CFAP95: variants seen among roughly 807,000 people sequenced by gnomAD.
CFAP95 encodes cilia and flagella associated protein 95.
the CFAP95 span, among the ~76,000 whole-genome samples, chr9:69,841,167 TATATA>T: frequency 0.19 from 17,809 of 92,422 alleles, 2,281 homozygotes; most frequent in East Asian, 0.36. Flanking sequence ...AGCTGGATTA[TATATA>T]TATATATATA....
At chr9:69,855,677 A>G in the CFAP95 span, among the ~76,000 whole-genome samples, 1 of 152,160 alleles carries the variant, frequency 6.6e-6, no homozygotes, top group Non-Finnish European at 1.5e-5. Flanking sequence ...AGCACCAGAG[A>G]CTTAATCAAA....
At chr9:69,883,619 G>T in the CFAP95 span, among the ~76,000 whole-genome samples, 1 of 152,090 alleles carries the variant, frequency 6.6e-6, no homozygotes, top group Non-Finnish European at 1.5e-5. Context: ...TTGGTAGGTT[G>T]TATGTGTCTA....
chr9:69,829,737 G>A, the CFAP95 span, among the ~76,000 whole-genome samples: 1 of 152,172 alleles, frequency 6.6e-6, no homozygotes, highest in Non-Finnish European at 1.5e-5. Context: ...GAGGAAGTTA[G>A]AAGAATGTGG....
At chr9:69,841,538 G>C in the CFAP95 span, among the ~76,000 whole-genome samples, 1 of 152,238 alleles carries the variant, frequency 6.6e-6, no homozygotes, top group Admixed American at 6.5e-5. Context: ...CAGAGAAAAA[G>C]CTGAGAATGT....
the CFAP95 span, chr9:69,905,950 A>G: frequency 6.4e-7 from 1 of 1,566,354 alleles, no homozygotes; most frequent in Non-Finnish European, 8.6e-7. Flanking sequence ...TTTTTCCCCC[A>G]TAGGCTTATC....
At chr9:69,886,478 G>C in the CFAP95 span, among the ~76,000 whole-genome samples, 1 of 152,204 alleles carries the variant, frequency 6.6e-6, no homozygotes, top group Non-Finnish European at 1.5e-5. Flanking sequence ...CATAGTGCTT[G>C]ATAAGTCCTT....
At chr9:69,894,410 G>A in the CFAP95 span, among the ~76,000 whole-genome samples, 1 of 152,048 alleles carries the variant, frequency 6.6e-6, no homozygotes, top group Non-Finnish European at 1.5e-5. Flanking sequence ...GTAGAAGGAA[G>A]GAAGGAATGA....
At chr9:69,903,536 C>T in the CFAP95 span, among the ~76,000 whole-genome samples, 11 of 152,154 alleles carry the variant, frequency 7.2e-5, no homozygotes, top group African/African-American at 2.7e-4. Flanking sequence ...TGTTCACTGA[C>T]CTCACTCTGG....
chr9:69,892,353 C>T, the CFAP95 span, among the ~76,000 whole-genome samples: 66 of 152,294 alleles, frequency 4.3e-4, no homozygotes, highest in Admixed American at 7.2e-4. Context: ...AGAACTTACT[C>T]AGTTGGCTTG....
the CFAP95 span, among the ~76,000 whole-genome samples, chr9:69,877,723 C>T: frequency 3.9e-5 from 6 of 152,144 alleles, no homozygotes; most frequent in Non-Finnish European, 7.4e-5. Context: ...CTTTGTCATC[C>T]ATGGAAGATG....
chr9:69,866,240 A>G, the CFAP95 span, among the ~76,000 whole-genome samples: 1 of 152,214 alleles, frequency 6.6e-6, no homozygotes, highest in African/African-American at 2.4e-5. Flanking sequence ...CCAATATGAT[A>G]TGTATGAGGA....
chr9:69,838,127 G>T, the CFAP95 span, among the ~76,000 whole-genome samples: 52 of 152,202 alleles, frequency 3.4e-4, no homozygotes, highest in African/African-American at 7.9e-4. Flanking sequence ...CTGTTTTGGT[G>T]ACTGTAGCCT....
At chr9:69,863,569 T>C in the CFAP95 span, among the ~76,000 whole-genome samples, 1 of 152,164 alleles carries the variant, frequency 6.6e-6, no homozygotes, top group African/African-American at 2.4e-5. Flanking sequence ...TATCTGATTA[T>C]TTAATACAAA....
At chr9:69,884,787 G>T in the CFAP95 span, 1 of 151,020 alleles carries the variant, frequency 6.6e-6, no homozygotes, top group East Asian at 1.9e-4. Context: ...ATTTTAATTT[G>T]TTTTATGAGC....
At chr9:69,892,986 C>A in the CFAP95 span, among the ~76,000 whole-genome samples, 1 of 152,316 alleles carries the variant, frequency 6.6e-6, no homozygotes, top group Non-Finnish European at 1.5e-5. Context: ...ACACCATCTT[C>A]AATTTGTTTG....
At chr9:69,890,428 C>T in the CFAP95 span, among the ~76,000 whole-genome samples, 8 of 152,282 alleles carry the variant, frequency 5.3e-5, no homozygotes, top group Non-Finnish European at 5.9e-5. Flanking sequence ...ACGTTTTTAG[C>T]GCTGCTTCTG....
chr9:69,878,340 G>A, the CFAP95 span, among the ~76,000 whole-genome samples: 1 of 152,118 alleles, frequency 6.6e-6, no homozygotes, highest in African/African-American at 2.4e-5. Flanking sequence ...TTGTTCTTAC[G>A]ATTTCCTCAT....
the CFAP95 span, among the ~76,000 whole-genome samples, chr9:69,905,478 A>C: frequency 6.6e-6 from 1 of 152,194 alleles, no homozygotes; most frequent in Non-Finnish European, 1.5e-5. Flanking sequence ...TGTTGAGGTA[A>C]ATTCTTACAG....
At chr9:69,886,527 A>G in the CFAP95 span, among the ~76,000 whole-genome samples, 2 of 152,172 alleles carry the variant, frequency 1.3e-5, no homozygotes, top group East Asian at 1.9e-4. Flanking sequence ...TGGGTAGAAA[A>G]CGTGAACAGA....
Sources: allele counts gnomAD v4.1 joint callset (sites outside exome capture counted in the v4.1 genomes callset), GRCh38; gene constraint gnomAD v4.1.1; transcripts MANE v1.5; gene names NCBI Gene and HGNC (gene_info 2026-07-23, HGNC 2026-07-21).